The following RELCH variants were observed in gnomAD, a reference collection of about 807,000 sequenced individuals.
RELCH encodes the protein RAB11 binding and LisH domain, coiled-coil and HEAT repeat containing, also known as RAB11-binding protein RELCH.
A neutral mutation model predicts 150.3 loss-of-function variants in RELCH; 41 were observed. The ratio of observed to expected loss-of-function variants is 0.27; its 90% CI spans 0.21 to 0.35. The LOEUF is 0.35. Among genes scored for constraint, RELCH ranks in the 10% least tolerant of loss-of-function variants. The pLI is 1.00. For missense variants in RELCH, 1,092 were observed against 1,467.8 expected, an observed-to-expected ratio of 0.74 and a Z score of 4.18; for synonymous variants, 478 against 531.8, an observed-to-expected ratio of 0.90 and a Z score of 1.39.
intron 1 of RELCH, among the ~76,000 whole-genome samples, chr18:62,207,708 A>G (rs544532548): frequency 7.2e-5 from 11 of 152,322 alleles, no homozygotes; most frequent in Non-Finnish European, 1.3e-4. Flanking sequence ...ACCCTTTTAA[A>G]GTGTACAATT....
chr18:62,198,465 C>T (rs771265328), intron 1 of RELCH, among the ~76,000 whole-genome samples: 1 of 152,140 alleles, frequency 6.6e-6, no homozygotes, highest in African/African-American at 2.4e-5. Flanking sequence ...AATCCTCAGC[C>T]GTCAGAAATA....
chr18:62,277,994 A>G (rs2044305183), intron 22 of RELCH: 1 of 224,508 alleles, frequency 4.5e-6, no homozygotes, highest in Non-Finnish European at 7.5e-6. Flanking sequence ...TTACTTTCCG[A>G]AGCCTCAGTT....
At chr18:62,296,979 G>C (rs1489773289) in intron 27 of RELCH, among the ~76,000 whole-genome samples, 1 of 152,218 alleles carries the variant, frequency 6.6e-6, no homozygotes, top group Non-Finnish European at 1.5e-5. Flanking sequence ...CCTTAGGACA[G>C]AACTTAGAAG....
intron 1 of RELCH, among the ~76,000 whole-genome samples, chr18:62,203,455 C>CA (rs1245627628): frequency 2.7e-5 from 4 of 146,618 alleles, no homozygotes; most frequent in Non-Finnish European, 6.0e-5. Flanking sequence ...GACTCTGTCT[C>CA]AAAAAAAAAG....
At chr18:62,269,433 A>G (rs1367735275) in intron 20 of RELCH, 2 of 430,268 alleles carry the variant, frequency 4.6e-6, no homozygotes. Flanking sequence ...TTGCATATAC[A>G]TAATGAGATA....
intron 2 of RELCH, among the ~76,000 whole-genome samples, chr18:62,212,615 A>C (rs1349757759): frequency 6.6e-6 from 1 of 152,166 alleles, no homozygotes; most frequent in Non-Finnish European, 1.5e-5. Flanking sequence ...CATTCTAAAC[A>C]CTGTTCTAAA....
At chr18:62,268,829 A>T in intron 19 of RELCH, 40 bp from the exon 20 acceptor site, 1 of 1,079,452 alleles carries the variant, frequency 9.3e-7, no homozygotes. Context: ...TTACACTTAA[A>T]ATATACTTAT....
intron 24 of RELCH, 104 bp downstream of exon 24, chr18:62,280,813 C>A: frequency 1.3e-6 from 1 of 757,080 alleles, no homozygotes; most frequent in Non-Finnish European, 2.2e-6. Flanking sequence ...TTATTTTGTG[C>A]CCTAGTTAGT....
intron 19 of RELCH, 64 bp from the exon 20 acceptor site, chr18:62,268,802 CATT>C (rs1202653314): frequency 1.1e-5 from 8 of 750,254 alleles, no homozygotes; most frequent in Non-Finnish European, 1.7e-5. Context: ...AATATAATCG[CATT>C]ATGATTTTTT....
intron 22 of RELCH, 101 bp downstream of exon 22, chr18:62,275,574 G>T: frequency 1.4e-6 from 1 of 726,754 alleles, no homozygotes; most frequent in Non-Finnish European, 2.4e-6. Flanking sequence ...TGCATATCAT[G>T]TTATGTTGAT....
chr18:62,190,622 A>G (rs1457534677), intron 1 of RELCH, among the ~76,000 whole-genome samples: 3 of 152,144 alleles, frequency 2.0e-5, no homozygotes, highest in Non-Finnish European at 4.4e-5. Context: ...AATACAGAAC[A>G]TTTTTATTAT....
At chr18:62,197,024 T>C (rs2039094959) in intron 1 of RELCH, among the ~76,000 whole-genome samples, 1 of 152,206 alleles carries the variant, frequency 6.6e-6, no homozygotes. Context: ...ATAGTAACTT[T>C]ATTATTTGGC....
chr18:62,295,678 C>T (rs186664149), intron 27 of RELCH, among the ~76,000 whole-genome samples: 4 of 151,892 alleles, frequency 2.6e-5, no homozygotes, highest in African/African-American at 7.2e-5. Context: ...TCCCAGTGAT[C>T]CCCCCACCTC....
intron 10 of RELCH, among the ~76,000 whole-genome samples, chr18:62,241,224 A>G (rs2042132534): frequency 6.6e-6 from 1 of 152,070 alleles, no homozygotes; most frequent in Non-Finnish European, 1.5e-5. Context: ...TTTGTCTAAT[A>G]AATCTGCCTT....
At chr18:62,282,510 A>T in intron 25 of RELCH, 66 bp downstream of exon 25, 1 of 1,495,194 alleles carries the variant, frequency 6.7e-7, no homozygotes, top group South Asian at 1.2e-5. Flanking sequence ...CACTCCTCTG[A>T]GGCCTTGTCA....
intron 1 of RELCH, among the ~76,000 whole-genome samples, chr18:62,199,745 C>G (rs1333090454): frequency 6.6e-6 from 1 of 152,166 alleles, no homozygotes; most frequent in Non-Finnish European, 1.5e-5. Context: ...ACATATTATT[C>G]AAGAGAACCA....
At chr18:62,261,762 A>G in intron 16 of RELCH, 104 bp downstream of exon 16, 1 of 963,814 alleles carries the variant, frequency 1.0e-6, no homozygotes, top group Non-Finnish European at 1.5e-6. Flanking sequence ...ATATGACAGC[A>G]TAATTTTTAA....
intron 10 of RELCH, among the ~76,000 whole-genome samples, chr18:62,234,143 G>C (rs1599957661): frequency 6.6e-6 from 1 of 151,824 alleles, no homozygotes; most frequent in South Asian, 2.1e-4. Context: ...TTATGTCTTA[G>C]AGTGATTTAA....
At chr18:62,230,119 A>G (rs1159845515) in intron 8 of RELCH, among the ~76,000 whole-genome samples, 2 of 152,144 alleles carry the variant, frequency 1.3e-5, no homozygotes, top group South Asian at 2.1e-4. Context: ...AAGTATATGG[A>G]TCTGCAAGAT....
Sources: gnomAD v4.1 joint callset for allele counts (sites outside exome capture counted in the v4.1 genomes callset) on GRCh38, gnomAD v4.1.1 for gene constraint, MANE v1.5 for transcripts, NCBI Gene and HGNC (gene_info 2026-07-23, HGNC 2026-07-21) for gene names.